DCHS2: variants seen among roughly 807,000 people sequenced by gnomAD.
The protein encoded by DCHS2 is dachsous cadherin-related 2, also known as protocadherin-23.
A neutral mutation model predicts 182.4 loss-of-function variants in DCHS2; 142 were observed. That is an observed-to-expected ratio of 0.78 (90% CI 0.68 to 0.89). The LOEUF (loss-of-function observed/expected upper bound fraction) is 0.89. Ranked by LOEUF, DCHS2 falls within the 40% of genes least tolerant of loss-of-function variation. The pLI is 0.00. For missense variants in DCHS2, 4,319 were observed against 4,198.6 expected, an observed-to-expected ratio of 1.03 and a Z score of -0.79; for synonymous variants, 1,740 against 1,663.3, an observed-to-expected ratio of 1.05 and a Z score of -1.12.
chr4:154,234,361 C>CATT lies in DCHS2; in HGVS notation c.*172_*174dup, dbSNP rs1731339605. ...AGGATTAAAAGAGGAAATAACTTTTCATTAAGGCTGGAAGAAATTGGAGAA... is the reference window on the plus strand; with the variant it reads ...AGGATTAAAAGAGGAAATAACTTTTCATTATTAAGGCTGGAAGAAATTGGAGAA... On this transcript the variant is annotated 3_prime_UTR_variant, in exon 20 of 20. Transcript: ENST00000357232. 1.1e-6 allele frequency: 1 copy of CATT among 891,774 alleles called. No homozygotes were observed. Among genetic ancestry groups the CATT allele is most frequent in the Admixed American group, 3.2e-5 (1 of 31,266 alleles). The allele number at this position is 891,774 out of a possible 1,614,324, so 55.2% of individuals were successfully genotyped here.
At chr4:154,418,187 A>G (rs1732953945) in intron 1 of DCHS2, among the ~76,000 whole-genome samples, 1 of 152,230 alleles carries the variant, frequency 6.6e-6, no homozygotes, top group Admixed American at 6.5e-5. Context: ...TATAGTTATC[A>G]GAATAAATGT....
chr4:154,249,701 T>C (rs947308943), intron 16 of DCHS2, among the ~76,000 whole-genome samples: 1 of 152,118 alleles, frequency 6.6e-6, no homozygotes, highest in Non-Finnish European at 1.5e-5. Flanking sequence ...GAAAATGTGA[T>C]CTATGCAGCC....
intron 15 of DCHS2, among the ~76,000 whole-genome samples, chr4:154,258,306 C>T (rs1357037343): frequency 7.3e-6 from 1 of 137,726 alleles, no homozygotes; most frequent in African/African-American, 2.7e-5. Context: ...CTCTATTGGT[C>T]TTGTTTTCAC....
intron 1 of DCHS2, among the ~76,000 whole-genome samples, chr4:154,488,040 T>C (rs1728648646): frequency 6.6e-6 from 1 of 152,160 alleles, no homozygotes; most frequent in Non-Finnish European, 1.5e-5. Context: ...TAGCTAGCCA[T>C]GTTGGCGCAT....
intron 13 of DCHS2, among the ~76,000 whole-genome samples, chr4:154,291,794 G>T (rs114425135): frequency 6.6e-6 from 1 of 152,046 alleles, no homozygotes; most frequent in African/African-American, 2.4e-5. Context: ...GTTACCAGAA[G>T]CTGGGAAGGG....
intron 2 of DCHS2, among the ~76,000 whole-genome samples, chr4:154,374,863 A>G (rs1338823238): frequency 6.6e-6 from 1 of 151,626 alleles, no homozygotes; most frequent in East Asian, 1.9e-4. Context: ...CCAAAATGAA[A>G]TAAGTGAAAA....
At chr4:154,461,333 T>C (rs1735001665) in intron 1 of DCHS2, among the ~76,000 whole-genome samples, 2 of 152,204 alleles carry the variant, frequency 1.3e-5, no homozygotes, top group Non-Finnish European at 2.9e-5. Context: ...CCTAGCTAAA[T>C]AAAGCTGATG....
chr4:154,398,339 C>T (rs1205736019), intron 1 of DCHS2, among the ~76,000 whole-genome samples: 1 of 152,184 alleles, frequency 6.6e-6, no homozygotes, highest in Non-Finnish European at 1.5e-5. Flanking sequence ...AGGGTCGCAG[C>T]AAAGATTCAG....
At chr4:154,422,427 T>C (rs1348131636) in intron 1 of DCHS2, among the ~76,000 whole-genome samples, 3 of 152,102 alleles carry the variant, frequency 2.0e-5, no homozygotes, top group Admixed American at 1.3e-4. Flanking sequence ...AGTAACCCAC[T>C]CCATCAGCAA....
At position 154,491,323 on chromosome 4, in the gene DCHS2, C is replaced by T. The variant is rs1295243119; in HGVS notation, c.33G>A (p.Gly11=). ...CGACCGGAGCCCGCCGCTGCTGACG[C>T]CCTTCGCCCATCTTCCGCCCACAAG... is the stretch of plus-strand genomic sequence containing the variant. MSPCGRKMGE[G]RQQRRAPVGK... The change falls in exon 1 of 20, where the codon GGG becomes GGA. Residue 11 remains glycine (G), a synonymous_variant. Transcript: ENST00000357232. 3.9e-6 allele frequency: 6 copies of T among 1,545,330 alleles called. No individual in the cohort carries two copies. Among genetic ancestry groups the T allele is most frequent in the Non-Finnish European group, 5.2e-6 (6 of 1,142,976 alleles).
At chr4:154,280,869 C>G (rs1734102497) in intron 13 of DCHS2, among the ~76,000 whole-genome samples, 1 of 151,448 alleles carries the variant, frequency 6.6e-6, no homozygotes, top group African/African-American at 2.4e-5. Context: ...ACTCTGTCAC[C>G]CAGGCTAGAG....
intron 1 of DCHS2, among the ~76,000 whole-genome samples, chr4:154,383,442 G>A (rs1484138042): frequency 6.6e-6 from 1 of 151,954 alleles, no homozygotes; most frequent in African/African-American, 2.4e-5. Flanking sequence ...TGACAAATCT[G>A]CACATGTACC....
intron 3 of DCHS2, among the ~76,000 whole-genome samples, chr4:154,359,210 T>C (rs1444499845): frequency 2.6e-5 from 4 of 152,020 alleles, no homozygotes; most frequent in Non-Finnish European, 5.9e-5. Context: ...TACATACCAA[T>C]TATCATATAT....
Position 154,335,027 on chromosome 4 carries a change from C to A in DCHS2, c.2554G>T (p.Gly852Cys). The A allele has an allele frequency of 2.5e-6, 4 of 1,614,076 alleles. No individual in the cohort carries two copies. The highest frequency in any genetic ancestry group is 3.4e-6 in the Non-Finnish European group (4 of 1,179,938). ...GCATTAATGACAGCTGTGAGCCCAC[C>A]ACCGTCTTGAGCAGAGACCATCAAC... ...LSLMVSAQDG[G>C]GLTAVINADV... Residue 852 changes from glycine (G) to cysteine (C), a missense_variant, in exon 4 of 20, where the codon GGT becomes TGT. By Grantham distance (159) the Gly-to-Cys change is radical. Coordinates refer to ENST00000357232, the MANE Select transcript of DCHS2 (RefSeq NM_001358235.2).
chr4:154,236,503 C>A lies in DCHS2; in HGVS notation c.8149G>T (p.Glu2717Ter). The A allele has an allele frequency of 6.2e-7, 1 of 1,613,998 alleles. No individual in the cohort carries two copies. Among genetic ancestry groups the A allele is most frequent in the Non-Finnish European group, 8.5e-7 (1 of 1,179,950 alleles). ...GNEKGHFYLE[E>*]NTGVLYLIKP... ...ATCAAATAAAGAACTCCAGTGTTTT[C>A]TTCTAAGTAAAAATGTCCCTTCTCA... The change falls in exon 20 of 20, where the codon GAA (glutamate) becomes TAA (stop). Residue 2717 changes from glutamate to a stop codon, truncating the protein, a stop_gained. Coordinates refer to ENST00000357232, the MANE Select transcript of DCHS2 (RefSeq NM_001358235.2). LOFTEE classifies it low-confidence loss of function (END_TRUNC).
chr4:154,302,801 AC>A (rs72126594), intron 12 of DCHS2, among the ~76,000 whole-genome samples: 8,087 of 80,986 alleles, frequency 0.1, 792 homozygotes, highest in African/African-American at 0.25. Context: ...ATATATATAT[AC>A]TTATATATAT....
chr4:154,442,989 C>T (rs1222981359), intron 1 of DCHS2, among the ~76,000 whole-genome samples: 1 of 152,042 alleles, frequency 6.6e-6, no homozygotes, highest in Non-Finnish European at 1.5e-5. Flanking sequence ...GCACCATCTA[C>T]AAACACCCCA....
chr4:154,370,730 C>A (rs955809582), intron 2 of DCHS2, among the ~76,000 whole-genome samples: 2 of 152,094 alleles, frequency 1.3e-5, no homozygotes, highest in African/African-American at 2.4e-5. Context: ...AAGGTAAGAC[C>A]TTTCTCTCTC....
intron 1 of DCHS2, among the ~76,000 whole-genome samples, chr4:154,409,435 G>A (rs755404900): frequency 3.9e-5 from 6 of 152,108 alleles, no homozygotes; most frequent in South Asian, 2.1e-4. Context: ...CCTGTTCACC[G>A]AACTCAAACC....
Sources: allele counts gnomAD v4.1 joint callset (sites outside exome capture counted in the v4.1 genomes callset), GRCh38; gene constraint gnomAD v4.1.1; transcripts MANE v1.5; gene names NCBI Gene and HGNC (gene_info 2026-07-23, HGNC 2026-07-21).